Variants in WDR47 observed in about 807,000 individuals in gnomAD.
WDR47 encodes WD repeat domain 47.
A neutral mutation model predicts 97.2 loss-of-function variants in WDR47; 32 were observed. The observed-to-expected ratio is 0.33, with a 90% CI of 0.25 to 0.44. The LOEUF (loss-of-function observed/expected upper bound fraction) is 0.44. Ranked by LOEUF, WDR47 falls within the 20% of genes least tolerant of loss-of-function variation. The pLI is 1.00. For synonymous variants in WDR47, 375 were observed against 373.5 expected, an observed-to-expected ratio of 1.00 and a Z score of -0.05; for missense variants, 782 against 1,102.3, an observed-to-expected ratio of 0.71 and a Z score of 4.11.
chr1:109,013,755 T>G (rs1661211545), intron 4 of WDR47, 86 bp downstream of exon 4: 1 of 1,412,880 alleles, frequency 7.1e-7, no homozygotes, highest in African/African-American at 1.4e-5. Flanking sequence ...TGAAAACTTG[T>G]GATGCTAATC....
rs542747725 is a variant in WDR47 at position 109,000,206 on chromosome 1, T to C, written c.1433+2018A>G. Among the ~76,000 whole-genome samples, 36 of 151,810 alleles carry C rather than the reference T, an allele frequency of 2.4e-4. 1 individual carries two copies. Among genetic ancestry groups the C allele is most frequent in the Admixed American group, 5.9e-4 (9 of 15,232 alleles). ...AGCCTAACATGACAGAGCAAGACTCTATCTCCATTTAAAAAACAAAAAGGG... is the reference window on the plus strand; with the variant it reads ...AGCCTAACATGACAGAGCAAGACTCCATCTCCATTTAAAAAACAAAAAGGG... On this transcript the variant is annotated intron_variant, in intron 7 of 14. Transcript: ENST00000369962.
intron 13 of WDR47, among the ~76,000 whole-genome samples, chr1:108,975,710 T>C (rs1657837748): frequency 1.3e-5 from 2 of 151,828 alleles, no homozygotes. Context: ...AACACTGCTC[T>C]AGACCAAAGT....
chr1:109,018,322 G>A (rs889431157), intron 2 of WDR47, among the ~76,000 whole-genome samples: 55 of 151,418 alleles, frequency 3.6e-4, no homozygotes, highest in South Asian at 2.9e-3. Flanking sequence ...GGTGGCGGGC[G>A]CCCGTAATCC....
chr1:109,023,556 C>T (rs749166389), intron 1 of WDR47, 35 bp from the exon 2 acceptor site: 32 of 1,578,244 alleles, frequency 2.0e-5, no homozygotes, highest in African/African-American at 2.7e-5. Context: ...AAAGCTAGTC[C>T]TATTGATTTA....
intron 9 of WDR47, chr1:108,987,261 T>C (rs1658905050): frequency 6.2e-6 from 1 of 161,498 alleles, no homozygotes; most frequent in Non-Finnish European, 1.5e-5. Flanking sequence ...CTGTATTCTT[T>C]AGATGATTCT....
chr1:109,023,274 T>C, intron 2 of WDR47, 81 bp downstream of exon 2: 1 of 1,255,274 alleles, frequency 8.0e-7, no homozygotes, highest in Non-Finnish European at 1.1e-6. Context: ...TAAAGTTCTA[T>C]CTGTATTATA....
intron 14 of WDR47, among the ~76,000 whole-genome samples, chr1:108,974,203 A>G (rs1657708622): frequency 6.6e-6 from 1 of 151,886 alleles, no homozygotes; most frequent in Admixed American, 6.6e-5. Flanking sequence ...TCAAAAACAA[A>G]AACAGGCTGG....
intron 10 of WDR47, among the ~76,000 whole-genome samples, chr1:108,985,514 T>C (rs2101830829): frequency 6.6e-6 from 1 of 152,312 alleles, no homozygotes; most frequent in East Asian, 1.9e-4. Flanking sequence ...AAAATGTATA[T>C]TTGTGTTCAT....
chr1:108,976,324 T>C (rs533080532), intron 13 of WDR47, among the ~76,000 whole-genome samples: 2 of 148,494 alleles, frequency 1.3e-5, no homozygotes, highest in Admixed American at 6.8e-5. Flanking sequence ...ATTTCAAATC[T>C]AGTTGCATGA....
At position 109,023,398 on chromosome 1, in the gene WDR47, C is replaced by T. The variant is rs1245227649; in HGVS notation, c.115G>A (p.Gly39Arg). ...ISMLALEKES[G>R]VINGLFSDDM... ...TCTGAAAACAGGCCATTTATGACTC[C>T]ACTTTCCTTCTCCAGGGCCAGCATA... Residue 39 changes from glycine to arginine, a missense_variant, in exon 2 of 15, where the codon GGA (glycine) becomes AGA (arginine). This residue lies in a region of WDR47 where 428 missense variants were observed against 584.3 expected (regional missense o/e 0.73). Coordinates refer to ENST00000369962, the MANE Select transcript of WDR47 (RefSeq NM_001142551.2). 1.4e-5 allele frequency: 22 copies of T among 1,613,554 alleles called. No individual in the cohort carries two copies. The highest frequency in any genetic ancestry group is 2.7e-5 in the African/African-American group (2 of 74,870).
In WDR47 at chr1:109,021,928, A is replaced by G. The variant is rs967539345; in HGVS notation, c.158+1427T>C. ...AGTGGCACCATCATGGCTCACTGCA[A>G]CCTCTGCCTCTCGGGCTCAAGTGAT... On this transcript the variant is annotated intron_variant, in intron 2 of 14. Transcript: ENST00000369962. Among the ~76,000 whole-genome samples the G allele has an allele frequency of 1.1e-4, 16 of 151,850 alleles. 1 individual carries two copies. Among genetic ancestry groups the G allele is most frequent in the Admixed American group, 3.9e-4 (6 of 15,222 alleles).
chr1:108,985,341 T>C (rs1658703268), intron 10 of WDR47, among the ~76,000 whole-genome samples: 1 of 152,176 alleles, frequency 6.6e-6, no homozygotes, highest in African/African-American at 2.4e-5. Context: ...CTCTATATTA[T>C]TCTCTTCTCC....
chr1:108,981,644 T>C, intron 13 of WDR47, 89 bp downstream of exon 13: 2 of 1,297,518 alleles, frequency 1.5e-6, no homozygotes, highest in South Asian at 1.6e-5. Context: ...CACAATTTTT[T>C]CTATTTTTTA....
At chr1:109,009,218 A>G (rs1260959133) in intron 5 of WDR47, among the ~76,000 whole-genome samples, 4 of 152,214 alleles carry the variant, frequency 2.6e-5, no homozygotes. Context: ...TCATGAAATA[A>G]ATTTATTGAA....
rs760328457 is a variant in WDR47 at position 108,983,283 on chromosome 1, T to G, written c.2094A>C (p.Thr698=). The G allele has an allele frequency of 1.9e-6, 3 of 1,604,152 alleles. No individual in the cohort carries two copies. Among genetic ancestry groups the G allele is most frequent in the Non-Finnish European group, 2.6e-6 (3 of 1,175,190 alleles). ...LPFNAETCNA[T]GPDLEFSMHD... ...ACTGCTTACATACTTGGGCCCTACC[T>G]GTTGCGTTACAAGTCTCTGCATTGA... The change falls in exon 11 of 15, where the codon ACA becomes ACC. Residue 698 remains threonine (T), a splice_region_variant and synonymous_variant. Transcript: ENST00000369962.
intron 7 of WDR47, among the ~76,000 whole-genome samples, chr1:108,996,385 C>G (rs1392784519): frequency 6.6e-6 from 1 of 152,078 alleles, no homozygotes; most frequent in Non-Finnish European, 1.5e-5. Context: ...GCAGCTTTTA[C>G]AATAAAAACA....
intron 9 of WDR47, among the ~76,000 whole-genome samples, chr1:108,990,304 G>T (rs1345738624): frequency 6.6e-6 from 1 of 152,054 alleles, no homozygotes; most frequent in East Asian, 1.9e-4. Context: ...TGCCTCCTGG[G>T]TTAAAGCAAT....
intron 9 of WDR47, among the ~76,000 whole-genome samples, chr1:108,989,537 T>C (rs1659151626): frequency 6.6e-6 from 1 of 152,182 alleles, no homozygotes; most frequent in Admixed American, 6.5e-5. Context: ...ACAGGGAATG[T>C]GACTGTTTGC....
intron 3 of WDR47, among the ~76,000 whole-genome samples, chr1:109,015,036 G>A (rs750713776): frequency 3.9e-5 from 6 of 151,956 alleles, no homozygotes; most frequent in Non-Finnish European, 7.4e-5. Context: ...TACAAAAGAG[G>A]TGGAAAGTTA....
Sources: allele counts gnomAD v4.1 joint callset (sites outside exome capture counted in the v4.1 genomes callset), GRCh38; gene constraint gnomAD v4.1.1; regional missense constraint gnomAD v4.1.1; transcripts MANE v1.5; gene names NCBI Gene and HGNC (gene_info 2026-07-23, HGNC 2026-07-21).